The following ADGRD1 variants were observed in gnomAD, a reference collection of about 807,000 sequenced individuals.
The protein encoded by ADGRD1 is adhesion G protein-coupled receptor D1.
A neutral mutation model predicts 113.4 loss-of-function variants in ADGRD1; 77 were observed. The ratio of observed to expected loss-of-function variants is 0.68; its 90% CI spans 0.57 to 0.82. The LOEUF (loss-of-function observed/expected upper bound fraction) is 0.82. ADGRD1 is among the 40% of genes least tolerant of loss of function. ADGRD1 has a pLI of 0.00. For missense variants in ADGRD1, 1,036 were observed against 1,139.1 expected (o/e 0.91, Z 1.30); for synonymous variants, 474 against 475.0 (o/e 1.00, Z 0.03).
chr12:131,064,994 T>A (rs985433935), intron 13 of ADGRD1, among the ~76,000 whole-genome samples: 2 of 152,188 alleles, frequency 1.3e-5, no homozygotes, highest in African/African-American at 2.4e-5. Context: ...AGGCAGGCTG[T>A]TATCTCAGCC....
At chr12:130,958,570 G>A (rs182747981) in intron 2 of ADGRD1, among the ~76,000 whole-genome samples, 158 of 152,198 alleles carry the variant, frequency 1.0e-3, no homozygotes, top group African/African-American at 3.7e-3. Flanking sequence ...CTGAAAAGCC[G>A]CATCCCTGGC....
rs367789023 is a variant in ADGRD1 at position 131,138,207 on chromosome 12, C to T, written c.2507C>T (p.Ala836Val). Residue 836 changes from alanine (A) to valine (V), a missense_variant, in exon 24 of 25, where the codon GCG (alanine) becomes GTG (valine). Transcript: ENST00000261654. ...AGCAGCTCTGCCCGCACCTCCAACGCGAAGCCCTTCCACTCGGACCTCGTG... is the reference window on the plus strand; with the variant it reads ...AGCAGCTCTGCCCGCACCTCCAACGTGAAGCCCTTCCACTCGGACCTCGTG... Reference protein sequence around the residue: ...LTSSSARTSNAKPFHSDLMNG... With the variant: ...LTSSSARTSNVKPFHSDLMNG... 104 of 1,613,338 alleles carry T rather than the reference C, an allele frequency of 6.4e-5. No individual in the cohort carries two copies. Among genetic ancestry groups the T allele is most frequent in the Non-Finnish European group, 8.3e-5 (98 of 1,179,878 alleles).
At chr12:131,081,018 TC>T (rs1453441972) in intron 14 of ADGRD1, among the ~76,000 whole-genome samples, 1 of 152,234 alleles carries the variant, frequency 6.6e-6, no homozygotes, top group Non-Finnish European at 1.5e-5. Flanking sequence ...AGCCCTTTTA[TC>T]ATTACATAAT....
chr12:131,095,875 T>C (rs538170682), intron 15 of ADGRD1, among the ~76,000 whole-genome samples: 1 of 152,200 alleles, frequency 6.6e-6, no homozygotes, highest in East Asian at 1.9e-4. Flanking sequence ...GAAGCTGGGG[T>C]GTCAGGAGAC....
chr12:131,040,457 C>A (rs540968187), intron 13 of ADGRD1, among the ~76,000 whole-genome samples: 3 of 152,284 alleles, frequency 2.0e-5, no homozygotes, highest in Non-Finnish European at 4.4e-5. Context: ...GTGTTTGGTA[C>A]ACCCTTTTAA....
rs1389115543 is a variant in ADGRD1, at chr12:131,141,064, G to T, written c.*1801G>T. 1 of 152,266 alleles carries T rather than the reference G, an allele frequency of 6.6e-6. No homozygotes were observed. Among genetic ancestry groups the T allele is most frequent in the Non-Finnish European group, 1.5e-5 (1 of 68,046 alleles). The allele number at this position is 152,266 out of a possible 1,614,324, so 9.4% of individuals were successfully genotyped here. On this transcript the variant is annotated 3_prime_UTR_variant, in exon 25 of 25. Coordinates refer to ENST00000261654, the MANE Select transcript of ADGRD1 (RefSeq NM_198827.5). ...ACAGTGCCAGATCCTCATCACGCCG[G>T]TGAGCACCTAGAAGTGAGAACACTG...
chr12:131,102,238 C>T (rs1438135329), intron 15 of ADGRD1, among the ~76,000 whole-genome samples: 5 of 152,196 alleles, frequency 3.3e-5, no homozygotes, highest in Non-Finnish European at 7.3e-5. Context: ...AACTGAGTTC[C>T]CTTCACCCAC....
intron 13 of ADGRD1, among the ~76,000 whole-genome samples, chr12:131,051,486 C>T (rs370657985): frequency 1.4e-5 from 2 of 147,184 alleles, no homozygotes; most frequent in African/African-American, 2.5e-5. Flanking sequence ...TCTTTCTTTT[C>T]TTTTTTTTTT....
rs1885554645 is a variant in ADGRD1, at chr12:131,075,757, C to T, written c.1474-1044C>T. ...GCCAGGATGGCGCTCATGAGGGGGGCTGCCCTCGTGGCTCTGTCCTGCACA... is the reference window on the plus strand; with the variant it reads ...GCCAGGATGGCGCTCATGAGGGGGGTTGCCCTCGTGGCTCTGTCCTGCACA... On this transcript the variant is annotated intron_variant, in intron 13 of 24. Transcript: ENST00000261654. This position sits in a 1 kb window ranked among gnomAD's most constrained non-coding sequence, Gnocchi z 5.3. 6.6e-6 allele frequency among the ~76,000 whole-genome samples: 1 copy of T among 152,212 alleles called. No individual in the cohort carries two copies. The highest frequency in any genetic ancestry group is 2.1e-4 in the South Asian group (1 of 4,832).
chr12:130,955,788 G>C (rs4759810), intron 2 of ADGRD1, among the ~76,000 whole-genome samples: 2 of 151,734 alleles, frequency 1.3e-5, no homozygotes, highest in Non-Finnish European at 2.9e-5. Flanking sequence ...AATTATTTTT[G>C]TTTTTATTTT....
chr12:131,120,931 G>C lies in ADGRD1; in HGVS notation c.2175+18G>C, dbSNP rs1266310828. On this transcript the variant is annotated intron_variant, in intron 20 of 24. Transcript: ENST00000261654. Reference sequence around the variant, plus strand: ...TCATCGTGGTACGTTTCCTACCCTTGTGGGCGCAGAGCGGGGCTGGGGAGG... The same window carrying C: ...TCATCGTGGTACGTTTCCTACCCTTCTGGGCGCAGAGCGGGGCTGGGGAGG... 1 of 1,612,254 alleles carries C rather than the reference G, an allele frequency of 6.2e-7. No individual in the cohort carries two copies. The highest frequency in any genetic ancestry group is 8.5e-7 in the Non-Finnish European group (1 of 1,178,660).
chr12:131,007,862 G>A (rs956421614), intron 12 of ADGRD1, among the ~76,000 whole-genome samples: 1 of 148,596 alleles, frequency 6.7e-6, no homozygotes, highest in Non-Finnish European at 1.5e-5. Flanking sequence ...GTGCAAAGAT[G>A]CCTTGTCATC....
At chr12:131,093,854 C>A (rs1483513133) in intron 15 of ADGRD1, among the ~76,000 whole-genome samples, 2 of 152,214 alleles carry the variant, frequency 1.3e-5, no homozygotes, top group African/African-American at 4.8e-5. Context: ...AGTTTCCCCG[C>A]TGTGACATGG....
chr12:131,020,169 G>A (rs1340260833), intron 13 of ADGRD1, among the ~76,000 whole-genome samples: 1 of 119,252 alleles, frequency 8.4e-6, no homozygotes, highest in African/African-American at 3.1e-5. Context: ...CCAGGGGCAG[G>A]ACCGCGAGCT....
At chr12:130,997,204 G>A (rs1395829201) in intron 8 of ADGRD1, among the ~76,000 whole-genome samples, 1 of 132,084 alleles carries the variant, frequency 7.6e-6, no homozygotes, top group Non-Finnish European at 1.6e-5. Flanking sequence ...CCCCCCGGAC[G>A]GGGCAGCTGG....
rs1593068214 is a variant in ADGRD1 at position 131,027,432 on chromosome 12, C to T, written c.1473+13092C>T. The T allele has an allele frequency of 6.6e-6, 1 of 152,158 alleles. No individual in the cohort carries two copies. The highest frequency in any genetic ancestry group is 6.5e-5 in the Admixed American group (1 of 15,270). 9.4% of individuals were successfully genotyped at this position (152,158 alleles called of 1,614,324 possible). Reference sequence around the variant, plus strand: ...AGCTCAGACTGTATCATCATTCTCACGGCTGCTTAATAGTCTACGTTTGTC... The same window carrying T: ...AGCTCAGACTGTATCATCATTCTCATGGCTGCTTAATAGTCTACGTTTGTC... On this transcript the variant is annotated intron_variant, in intron 13 of 24. Coordinates refer to ENST00000261654, the MANE Select transcript of ADGRD1 (RefSeq NM_198827.5). The surrounding 1 kb of genome is among the most constrained non-coding windows in gnomAD (Gnocchi z 5.1).
chr12:130,982,175 T>C (rs1873086991), intron 5 of ADGRD1, 112 bp downstream of exon 5: 3 of 890,884 alleles, frequency 3.4e-6, no homozygotes, highest in Non-Finnish European at 5.2e-6. Context: ...TGCTGCTGCC[T>C]CCTGGCACCC....
intron 13 of ADGRD1, among the ~76,000 whole-genome samples, chr12:131,020,472 G>A (rs964723505): frequency 1.3e-5 from 2 of 152,252 alleles, no homozygotes; most frequent in African/African-American, 4.8e-5. Flanking sequence ...AAGAGGTTTG[G>A]TTCCCCAGGC....
chr12:131,030,077 G>C (rs12815490), intron 13 of ADGRD1, among the ~76,000 whole-genome samples: 10 of 119,098 alleles, frequency 8.4e-5, no homozygotes, highest in African/African-American at 3.0e-4. Context: ...TTGTGGACCC[G>C]TCGTAGGTGA....
Sources: gnomAD v4.1 joint callset for allele counts (sites outside exome capture counted in the v4.1 genomes callset) on GRCh38, gnomAD v4.1.1 for gene constraint, Gnocchi (gnomAD v3.1) non-coding constraint, MANE v1.5 for transcripts, NCBI Gene and HGNC (gene_info 2026-07-23, HGNC 2026-07-21) for gene names.